The following TRAM2 variants were observed in gnomAD, a reference collection of about 807,000 sequenced individuals.
TRAM2 encodes translocation associated membrane protein 2, also known as translocating chain-associated membrane protein 2.
Under a neutral mutation model 51.0 loss-of-function variants are expected in TRAM2, and 12 were observed. The ratio of observed to expected loss-of-function variants is 0.24; its 90% CI spans 0.15 to 0.38. TRAM2 has a LOEUF of 0.38. TRAM2 is among the 10% of genes least tolerant of loss of function. TRAM2 has a pLI of 1.00. For missense variants in TRAM2, 361 were observed against 462.0 expected (o/e 0.78, Z 2.00); for synonymous variants, 175 against 179.4 (o/e 0.98, Z 0.20).
chr6:52,556,439 C>T (rs1767407604), intron 1 of TRAM2, among the ~76,000 whole-genome samples: 1 of 152,000 alleles, frequency 6.6e-6, no homozygotes, highest in African/African-American at 2.4e-5. Flanking sequence ...TGCCACAACA[C>T]CCAGCTAATT....
At chr6:52,529,045 C>A (rs142988039) in intron 2 of TRAM2, among the ~76,000 whole-genome samples, 6,265 of 152,136 alleles carry the variant, frequency 0.041, 405 homozygotes, top group African/African-American at 0.13. Context: ...TGCCCACCAC[C>A]ACGCCCGGCT....
intron 4 of TRAM2, 184 bp downstream of exon 4, chr6:52,515,822 A>G: frequency 1.6e-6 from 1 of 612,614 alleles, no homozygotes; most frequent in Non-Finnish European, 2.9e-6. Context: ...TCTCTGTAAT[A>G]CCATGAGGAT....
intron 1 of TRAM2, among the ~76,000 whole-genome samples, chr6:52,549,299 C>T (rs1447274891): frequency 1.4e-5 from 2 of 146,872 alleles, no homozygotes; most frequent in Non-Finnish European, 3.0e-5. Context: ...AAAAGCTGCC[C>T]AAAATCAACT....
intron 9 of TRAM2, 122 bp downstream of exon 9, chr6:52,505,477 A>T: frequency 7.2e-7 from 1 of 1,388,962 alleles, no homozygotes; most frequent in South Asian, 1.6e-5. Context: ...ATATCCAGAG[A>T]TTTCCAAAAA....
rs371429027 is a variant in TRAM2, at chr6:52,557,192, C to CAAAAAAAA, written c.120+19596_120+19603dup. ...TGGGAGACAAAGCAAAACTCTGTCT[C>CAAAAAAAA]AAAAAAAAAAGATATGTCTGGTGAG... is the stretch of plus-strand genomic sequence containing the variant. On this transcript the variant is annotated intron_variant, in intron 1 of 10. Coordinates refer to ENST00000182527, the MANE Select transcript of TRAM2 (RefSeq NM_012288.4). Among the ~76,000 whole-genome samples the CAAAAAAAA allele has an allele frequency of 1.8e-4, 25 of 140,152 alleles. 4 individuals carry two copies. The highest frequency in any genetic ancestry group is 2.0e-4 in the Non-Finnish European group (13 of 63,688). 91.9% of individuals were successfully genotyped at this position (140,152 alleles called of 152,430 possible).
Position 52,503,099 on chromosome 6 carries a change from G to T in TRAM2, c.*98C>A. On this transcript the variant is annotated 3_prime_UTR_variant, in exon 11 of 11. Coordinates refer to ENST00000182527, the MANE Select transcript of TRAM2 (RefSeq NM_012288.4). Reference sequence around the variant, plus strand: ...ACAGGTTTCGGCTGTTTGAGACGGAGCATCACAGGCAGGAAGGAGGAGGCA... The same window carrying T: ...ACAGGTTTCGGCTGTTTGAGACGGATCATCACAGGCAGGAAGGAGGAGGCA... 9.8e-7 allele frequency: 1 copy of T among 1,017,226 alleles called. No homozygotes were observed. Among genetic ancestry groups the T allele is most frequent in the Non-Finnish European group, 1.6e-6 (1 of 642,422 alleles). 63.0% of individuals were successfully genotyped at this position (1,017,226 alleles called of 1,614,324 possible).
chr6:52,566,748 T>C (rs1767596707), intron 1 of TRAM2, among the ~76,000 whole-genome samples: 1 of 152,192 alleles, frequency 6.6e-6, no homozygotes, highest in Non-Finnish European at 1.5e-5. Flanking sequence ...ACTATTCTAT[T>C]GCCCTCCCAT....
At position 52,503,133 on chromosome 6, in the gene TRAM2, G is replaced by GCCTGGGCT; in HGVS notation, c.*56_*63dup. 1.5e-6 allele frequency: 2 copies of GCCTGGGCT among 1,370,352 alleles called. No homozygotes were observed. The highest frequency in any genetic ancestry group is 1.0e-6 in the Non-Finnish European group (1 of 958,172). The allele number at this position is 1,370,352 out of a possible 1,614,324, so 84.9% of individuals were successfully genotyped here. ...GCAGGAAGGAGGAGGCAGGGAGGGG[G>GCCTGGGCT]CCTGGGCTCCTTGCCCCCTGCTCGG... On this transcript the variant is annotated 3_prime_UTR_variant, in exon 11 of 11. Transcript: ENST00000182527.
At chr6:52,508,343 C>A (rs147258427) in intron 5 of TRAM2, 25 bp from the exon 6 acceptor site, 4 of 1,609,684 alleles carry the variant, frequency 2.5e-6, no homozygotes, top group South Asian at 2.2e-5. Flanking sequence ...GCAAGTCACA[C>A]GGGCAGGATA....
intron 1 of TRAM2, among the ~76,000 whole-genome samples, chr6:52,563,236 C>CA (rs1309973506): frequency 2.6e-5 from 4 of 152,116 alleles, no homozygotes; most frequent in African/African-American, 9.7e-5. Context: ...TGTGTACTGA[C>CA]ATGGAAAGAT....
chr6:52,564,008 T>C (rs1767548794), intron 1 of TRAM2, among the ~76,000 whole-genome samples: 1 of 152,060 alleles, frequency 6.6e-6, no homozygotes. Flanking sequence ...CATCTCTTAC[T>C]GGTTACCCGA....
chr6:52,566,735 C>T (rs796926290), intron 1 of TRAM2, among the ~76,000 whole-genome samples: 4 of 152,310 alleles, frequency 2.6e-5, no homozygotes, highest in African/African-American at 7.2e-5. Context: ...CTACAAAGGA[C>T]GGACTATTCT....
At chr6:52,561,796 C>T (rs1052574399) in intron 1 of TRAM2, among the ~76,000 whole-genome samples, 2 of 151,706 alleles carry the variant, frequency 1.3e-5, no homozygotes, top group African/African-American at 4.8e-5. Context: ...GTCCTAGAGA[C>T]GGAGTTTCAC....
At chr6:52,510,871 G>A (rs1474566455) in intron 4 of TRAM2, among the ~76,000 whole-genome samples, 3 of 152,192 alleles carry the variant, frequency 2.0e-5, no homozygotes, top group Admixed American at 6.5e-5. Flanking sequence ...AGAGTACAAA[G>A]CATGGGAAGA....
At chr6:52,575,646 G>A (rs1056920826) in intron 1 of TRAM2, among the ~76,000 whole-genome samples, 1 of 152,172 alleles carries the variant, frequency 6.6e-6, no homozygotes, top group African/African-American at 2.4e-5. Context: ...CAGAGGGACA[G>A]GGAAGGAAAT....
chr6:52,530,861 G>C (rs982583057), intron 2 of TRAM2, among the ~76,000 whole-genome samples: 7 of 152,152 alleles, frequency 4.6e-5, no homozygotes, highest in African/African-American at 1.4e-4. Context: ...CTGGGAAGAC[G>C]AGAAAGGAGT....
chr6:52,545,944 C>T (rs1226662035), intron 1 of TRAM2, among the ~76,000 whole-genome samples: 1 of 152,096 alleles, frequency 6.6e-6, no homozygotes, highest in African/African-American at 2.4e-5. Flanking sequence ...ATGGTACCAC[C>T]GCTCAAATGT....
intron 1 of TRAM2, among the ~76,000 whole-genome samples, chr6:52,567,523 A>G (rs1767608426): frequency 6.6e-6 from 1 of 152,390 alleles, no homozygotes; most frequent in African/African-American, 2.4e-5. Context: ...AAAGAATGAC[A>G]GAAATGTTTC....
intron 5 of TRAM2, among the ~76,000 whole-genome samples, chr6:52,509,021 CA>C (rs1435797153): frequency 1.3e-5 from 2 of 152,098 alleles, no homozygotes; most frequent in African/African-American, 4.8e-5. Context: ...GCAACAAGAG[CA>C]AATCTCCATC....
Sources: allele counts gnomAD v4.1 joint callset (sites outside exome capture counted in the v4.1 genomes callset), GRCh38; gene constraint gnomAD v4.1.1; transcripts MANE v1.5; gene names NCBI Gene and HGNC (gene_info 2026-07-23, HGNC 2026-07-21).